Variants in NAA11 observed in about 807,000 individuals in gnomAD.
NAA11 encodes N-alpha-acetyltransferase 11, NatA catalytic subunit, also known as N-alpha-acetyltransferase 11.
Under a neutral mutation model 16.1 loss-of-function variants are expected in NAA11, and 15 were observed. The observed-to-expected ratio is 0.93, with a 90% CI of 0.62 to 1.44. NAA11 has a LOEUF of 1.44. NAA11 is among the 40% of genes most tolerant of loss of function. NAA11 has a pLI of 0.00. For synonymous variants in NAA11, 122 were observed against 112.4 expected, an observed-to-expected ratio of 1.09 and a Z score of -0.54; for missense variants, 298 against 291.3, an observed-to-expected ratio of 1.02 and a Z score of -0.17.
intron 2 of NAA11, among the ~76,000 whole-genome samples, chr4:79,291,582 GGC>G (rs1363434561): frequency 6.6e-6 from 1 of 152,058 alleles, no homozygotes; most frequent in East Asian, 1.9e-4. Flanking sequence ...AAATCAGCTG[GGC>G]GTGGTGGTGC....
chr4:79,300,107 C>G (rs1230292374), intron 1 of NAA11, among the ~76,000 whole-genome samples: 1 of 152,078 alleles, frequency 6.6e-6, no homozygotes, highest in Non-Finnish European at 1.5e-5. Flanking sequence ...TATTCACAGG[C>G]ACTGAAAAAG....
At chr4:79,280,343 C>T (rs1722755502) in intron 2 of NAA11, among the ~76,000 whole-genome samples, 1 of 152,002 alleles carries the variant, frequency 6.6e-6, no homozygotes, top group Non-Finnish European at 1.5e-5. Context: ...GGGCATGCAG[C>T]CCGGTCCAGG....
chr4:79,249,218 C>T (rs990213451), intron 2 of NAA11, among the ~76,000 whole-genome samples: 1 of 152,196 alleles, frequency 6.6e-6, no homozygotes, highest in Non-Finnish European at 1.5e-5. Context: ...TGTCTTCTTA[C>T]CTGCAAATGA....
the NAA11 span, among the ~76,000 whole-genome samples, chr4:79,157,513 A>G: frequency 1.5e-4 from 23 of 151,818 alleles, no homozygotes; most frequent in Admixed American, 2.6e-4. Context: ...ATGTATGTAT[A>G]TATACATATA....
At chr4:79,283,613 G>A (rs1249406109) in intron 2 of NAA11, among the ~76,000 whole-genome samples, 2 of 125,166 alleles carry the variant, frequency 1.6e-5, no homozygotes, top group Non-Finnish European at 3.7e-5. Context: ...AACAAATTAC[G>A]CACACCAACA....
At chr4:79,180,965 CA>C in the NAA11 span, among the ~76,000 whole-genome samples, 1 of 151,940 alleles carries the variant, frequency 6.6e-6, no homozygotes, top group Non-Finnish European at 1.5e-5. Flanking sequence ...TCATTCTCAG[CA>C]AACTATCACA....
chr4:79,208,299 T>C, the NAA11 span, among the ~76,000 whole-genome samples: 1 of 152,180 alleles, frequency 6.6e-6, no homozygotes, highest in African/African-American at 2.4e-5. Context: ...TTAACACTCT[T>C]AACAAGTGTT....
chr4:79,161,405 T>C, the NAA11 span, among the ~76,000 whole-genome samples: 1 of 152,210 alleles, frequency 6.6e-6, no homozygotes, highest in Non-Finnish European at 1.5e-5. Flanking sequence ...ACCAGTAGCA[T>C]ACTGTTTTGA....
the NAA11 span, among the ~76,000 whole-genome samples, chr4:79,188,443 G>A: frequency 1.3e-5 from 2 of 151,974 alleles, no homozygotes; most frequent in African/African-American, 4.8e-5. Flanking sequence ...AAATTAGCCC[G>A]GCCTAGTGGT....
the NAA11 span, among the ~76,000 whole-genome samples, chr4:79,212,433 G>C: frequency 1.3e-5 from 2 of 152,030 alleles, no homozygotes; most frequent in Non-Finnish European, 2.9e-5. Flanking sequence ...TAATTGCTAA[G>C]TGAGCACTCA....
At chr4:79,291,972 A>G (rs972200845) in intron 2 of NAA11, among the ~76,000 whole-genome samples, 2 of 152,202 alleles carry the variant, frequency 1.3e-5, no homozygotes, top group African/African-American at 4.8e-5. Flanking sequence ...TGCAATTACA[A>G]ATTTCATCTT....
chr4:79,181,290 G>T, the NAA11 span, among the ~76,000 whole-genome samples: 4 of 151,526 alleles, frequency 2.6e-5, no homozygotes, highest in South Asian at 2.1e-4. Flanking sequence ...TTTCCCATAG[G>T]CAAAGGCAAA....
chr4:79,171,122 T>C, the NAA11 span, among the ~76,000 whole-genome samples: 228 of 152,314 alleles, frequency 1.5e-3, no homozygotes, highest in African/African-American at 5.2e-3. Context: ...TGAATGTGTC[T>C]CCAAAAGTTC....
chr4:79,213,143 T>A, the NAA11 span, among the ~76,000 whole-genome samples: 1 of 152,174 alleles, frequency 6.6e-6, no homozygotes, highest in Non-Finnish European at 1.5e-5. Flanking sequence ...GGTGGGGCTA[T>A]CAAGCTAACA....
At chr4:79,317,944 G>GTT (rs1053642097) in intron 1 of NAA11, among the ~76,000 whole-genome samples, 153 bp from the exon 2 acceptor site, 36 of 152,302 alleles carry the variant, frequency 2.4e-4, no homozygotes, top group African/African-American at 8.4e-4. Context: ...ATGGCAGTCA[G>GTT]TGAGAATTCA....
chr4:79,169,214 C>A, the NAA11 span, among the ~76,000 whole-genome samples: 1 of 152,172 alleles, frequency 6.6e-6, no homozygotes, highest in Non-Finnish European at 1.5e-5. Context: ...CTATCCCCAT[C>A]AAGCTACCAT....
the NAA11 span, among the ~76,000 whole-genome samples, chr4:79,179,996 A>T: frequency 1.3e-5 from 2 of 151,964 alleles, no homozygotes; most frequent in East Asian, 3.9e-4. Flanking sequence ...ATCAGATCTC[A>T]TGAGAACTCA....
At chr4:79,210,386 T>G in the NAA11 span, among the ~76,000 whole-genome samples, 1 of 152,158 alleles carries the variant, frequency 6.6e-6, no homozygotes, top group Non-Finnish European at 1.5e-5. Flanking sequence ...GCTAATCAGC[T>G]AAGACAGGAA....
intron 2 of NAA11, among the ~76,000 whole-genome samples, chr4:79,259,372 C>G (rs1722198827): frequency 6.6e-6 from 1 of 152,200 alleles, no homozygotes; most frequent in Non-Finnish European, 1.5e-5. Flanking sequence ...TGTACCTGGT[C>G]TAGCCACAGC....
Sources: gnomAD v4.1 joint callset for allele counts (sites outside exome capture counted in the v4.1 genomes callset) on GRCh38, gnomAD v4.1.1 for gene constraint, MANE v1.5 for transcripts, NCBI Gene and HGNC (gene_info 2026-07-23, HGNC 2026-07-21) for gene names.